TENM1: variants seen among roughly 807,000 people sequenced by gnomAD.
The protein encoded by TENM1 is teneurin-1.
A neutral mutation model predicts 174.8 loss-of-function variants in TENM1; 35 were observed. The observed-to-expected ratio is 0.20, with a 90% CI of 0.15 to 0.27. TENM1 has a LOEUF of 0.27. Ranked by LOEUF, TENM1 falls within the 10% of genes least tolerant of loss-of-function variation. The probability of loss-of-function intolerance (pLI) is 1.00; values close to 1 mark genes in which losing one functional copy is unlikely to be tolerated. For synonymous variants in TENM1, 781 were observed against 798.7 expected, an observed-to-expected ratio of 0.98 and a Z score of 0.37; for missense variants, 1,633 against 2,130.1, an observed-to-expected ratio of 0.77 and a Z score of 4.59.
chrX:124,958,381 A>G (rs2058608423), intron 1 of TENM1, among the ~76,000 whole-genome samples: 1 of 111,960 alleles, frequency 8.9e-6, no homozygotes, highest in Non-Finnish European at 1.9e-5. Flanking sequence ...AAGTGGAAAT[A>G]AGCAGACTCA....
intron 11 of TENM1, among the ~76,000 whole-genome samples, chrX:124,618,823 G>A (rs2148323341): frequency 8.9e-6 from 1 of 112,587 alleles, no homozygotes; most frequent in Admixed American, 9.4e-5. Flanking sequence ...GCTCATGCCT[G>A]TAATCCCAGC....
At chrX:125,153,497 T>C in the TENM1 span, among the ~76,000 whole-genome samples, 1 of 112,368 alleles carries the variant, frequency 8.9e-6, no homozygotes, top group Non-Finnish European at 1.9e-5. Context: ...TCAGCACAAC[T>C]AAGGTTATTT....
the TENM1 span, among the ~76,000 whole-genome samples, chrX:125,196,085 T>C: frequency 7.2e-5 from 8 of 110,838 alleles, no homozygotes; most frequent in African/African-American, 2.6e-4. Context: ...TAATTTAAAA[T>C]GTAAGATTAT....
chrX:125,128,035 A>T, the TENM1 span, among the ~76,000 whole-genome samples: 1 of 111,626 alleles, frequency 9.0e-6, no homozygotes, highest in East Asian at 2.8e-4. Context: ...AATGGTATTA[A>T]CAAGTATACA....
chrX:124,401,077 T>C (rs2060393967), intron 27 of TENM1, among the ~76,000 whole-genome samples: 1 of 111,694 alleles, frequency 9.0e-6, no homozygotes, highest in African/African-American at 3.3e-5. Context: ...CAGGGTATCA[T>C]GTTTCCCAAA....
chrX:124,991,367 G>A, the TENM1 span, among the ~76,000 whole-genome samples: 1 of 110,672 alleles, frequency 9.0e-6, no homozygotes, highest in East Asian at 2.9e-4. Flanking sequence ...CTAAGGTTGA[G>A]GCAAGCACAT....
the TENM1 span, among the ~76,000 whole-genome samples, chrX:125,131,715 G>A: frequency 3.1e-4 from 35 of 111,804 alleles, no homozygotes; most frequent in African/African-American, 9.8e-4. Context: ...AATAGCAGGG[G>A]AAATGCATTC....
intron 4 of TENM1, among the ~76,000 whole-genome samples, chrX:124,728,658 G>A (rs547337239): frequency 8.0e-4 from 89 of 111,039 alleles, no homozygotes; most frequent in Admixed American, 5.2e-3. Context: ...CCCCTCCAAG[G>A]GTTCTTACCT....
At chrX:125,113,026 C>G in the TENM1 span, among the ~76,000 whole-genome samples, 1 of 111,268 alleles carries the variant, frequency 9.0e-6, no homozygotes, top group Non-Finnish European at 1.9e-5. Flanking sequence ...TATGTAGTAT[C>G]AGCATATACT....
At chrX:124,572,403 T>G (rs931314917) in intron 11 of TENM1, among the ~76,000 whole-genome samples, 2 of 111,670 alleles carry the variant, frequency 1.8e-5, no homozygotes, top group Middle Eastern at 4.6e-3. Flanking sequence ...TATGATAGAA[T>G]CTCCTAGAAA....
intron 3 of TENM1, among the ~76,000 whole-genome samples, chrX:124,810,655 C>G (rs1383864524): frequency 9.0e-6 from 1 of 111,014 alleles, no homozygotes; most frequent in Non-Finnish European, 1.9e-5. Context: ...TAATTCCTAC[C>G]AAAATACTAA....
chrX:125,202,594 G>C, the TENM1 span, among the ~76,000 whole-genome samples: 184 of 111,379 alleles, frequency 1.7e-3, 3 homozygotes, highest in Admixed American at 0.015. Context: ...TAGCAGTGAT[G>C]CAGATCTGCT....
chrX:124,395,061 T>C (rs1328462357), intron 27 of TENM1, among the ~76,000 whole-genome samples: 1 of 111,731 alleles, frequency 9.0e-6, no homozygotes, highest in Non-Finnish European at 1.9e-5. Flanking sequence ...ACCTGAGAGA[T>C]TACTTTATAG....
At chrX:124,703,740 T>C (rs1461624275) in intron 5 of TENM1, among the ~76,000 whole-genome samples, 1 of 112,068 alleles carries the variant, frequency 8.9e-6, no homozygotes, top group Non-Finnish European at 1.9e-5. Context: ...TCAGCAGTAT[T>C]TCTCATTACA....
chrX:124,868,405 C>T (rs192701986), intron 3 of TENM1, among the ~76,000 whole-genome samples: 9 of 111,505 alleles, frequency 8.1e-5, no homozygotes, highest in Non-Finnish European at 1.7e-4. Context: ...ATAAATGGTG[C>T]TGGGAAAACT....
chrX:124,857,682 T>C (rs1395385234), intron 3 of TENM1, among the ~76,000 whole-genome samples: 1 of 110,431 alleles, frequency 9.1e-6, no homozygotes, highest in African/African-American at 3.3e-5. Flanking sequence ...CACCACTCTG[T>C]AAATATAATA....
At chrX:124,715,780 G>A (rs753726951) in intron 4 of TENM1, among the ~76,000 whole-genome samples, 3 of 109,207 alleles carry the variant, frequency 2.7e-5, no homozygotes, top group African/African-American at 1.0e-4. Flanking sequence ...TCAGACTCCC[G>A]TTCAACTTCA....
intron 11 of TENM1, among the ~76,000 whole-genome samples, chrX:124,578,331 A>G (rs1385059066): frequency 8.9e-6 from 1 of 111,921 alleles, no homozygotes; most frequent in Non-Finnish European, 1.9e-5. Context: ...GCTCATATCC[A>G]ACTACATCTT....
At chrX:124,528,615 TTAA>T in intron 16 of TENM1, among the ~76,000 whole-genome samples, 1 of 110,125 alleles carries the variant, frequency 9.1e-6, no homozygotes, top group Non-Finnish European at 1.9e-5. Context: ...CCCATTTGAA[TTAA>T]TAGAGAACTC....
Sources: allele counts gnomAD v4.1 joint callset (sites outside exome capture counted in the v4.1 genomes callset), GRCh38; gene constraint gnomAD v4.1.1; transcripts MANE v1.5; gene names NCBI Gene and HGNC (gene_info 2026-07-23, HGNC 2026-07-21).